Variants in CHIC2 observed in about 807,000 individuals in gnomAD.
CHIC2 encodes cysteine-rich hydrophobic domain-containing protein 2.
Under a neutral mutation model 25.9 loss-of-function variants are expected in CHIC2, and 14 were observed. The ratio of observed to expected loss-of-function variants is 0.54; its 90% CI spans 0.36 to 0.85. The LOEUF is 0.85. Among genes scored for constraint, CHIC2 ranks in the 40% least tolerant of loss-of-function variants. CHIC2 has a pLI of 0.01. For missense variants in CHIC2, 146 were observed against 202.0 expected, an observed-to-expected ratio of 0.72 and a Z score of 1.68; for synonymous variants, 70 against 72.0, an observed-to-expected ratio of 0.97 and a Z score of 0.14.
intron 5 of CHIC2, among the ~76,000 whole-genome samples, chr4:54,011,836 T>C (rs972118052): frequency 6.6e-6 from 1 of 151,876 alleles, no homozygotes; most frequent in Non-Finnish European, 1.5e-5. Flanking sequence ...TATATATATA[T>C]ATATTTTTTA....
chr4:54,059,386 T>A (rs181091617), intron 1 of CHIC2, among the ~76,000 whole-genome samples: 2,152 of 151,902 alleles, frequency 0.014, 21 homozygotes, highest in African/African-American at 0.02. Context: ...CTAATTTTTT[T>A]AAAAAATTAG....
intron 3 of CHIC2, chr4:54,048,754 A>C (rs1031556129): frequency 4.9e-6 from 2 of 405,178 alleles, no homozygotes; most frequent in African/African-American, 4.1e-5. Context: ...TAAAATTATA[A>C]ATATAATTTT....
chr4:54,086,699 A>T, the CHIC2 span, among the ~76,000 whole-genome samples: 1 of 152,192 alleles, frequency 6.6e-6, no homozygotes, highest in African/African-American at 2.4e-5. Context: ...AGCTAGAAAG[A>T]TCTGGATTCT....
intron 3 of CHIC2, among the ~76,000 whole-genome samples, chr4:54,033,178 CTCAGG>C (rs1716286126): frequency 6.6e-6 from 1 of 152,204 alleles, no homozygotes; most frequent in South Asian, 2.1e-4. Flanking sequence ...ATTATCCAGT[CTCAGG>C]TATTTCCTTA....
Position 54,013,892 on chromosome 4 carries a change from C to T in CHIC2, c.392G>A (p.Cys131Tyr), listed in dbSNP as rs141496459. Residue 131 changes from cysteine (C) to tyrosine (Y), a missense_variant, in exon 5 of 6, where the codon TGC becomes TAC. Cys to Tyr is a radical substitution (Grantham distance 194). Transcript: ENST00000263921. ...WENNRLYHKLCLHWRLSKRKC... is the reference protein window; with the variant it reads ...WENNRLYHKLYLHWRLSKRKC... ...CCTTTTGCTCAGTCTCCAATGCAAG[C>T]ACAGCTAGACAAGTAGGAAAGTAAA... The T allele has an allele frequency of 6.2e-7, 1 of 1,613,160 alleles. No homozygotes were observed. Among genetic ancestry groups the T allele is most frequent in the African/African-American group, 1.3e-5 (1 of 74,870 alleles).
intron 3 of CHIC2, among the ~76,000 whole-genome samples, chr4:54,018,720 A>C (rs946855208): frequency 6.6e-6 from 1 of 152,238 alleles, no homozygotes; most frequent in East Asian, 1.9e-4. Flanking sequence ...AGTCTTTAGA[A>C]CAAAAATATG....
At chr4:54,042,205 A>G (rs1265987378) in intron 3 of CHIC2, among the ~76,000 whole-genome samples, 1 of 152,150 alleles carries the variant, frequency 6.6e-6, no homozygotes, top group Non-Finnish European at 1.5e-5. Context: ...TATGCTCCCT[A>G]GATAGTACTC....
rs548130827 is a variant in CHIC2 at position 54,046,639 on chromosome 4, A to T, written c.330+2316T>A. Among the ~76,000 whole-genome samples the T allele has an allele frequency of 6.4e-4, 98 of 152,332 alleles. 1 individual carries two copies. Among genetic ancestry groups the T allele is most frequent in the Non-Finnish European group, 1.2e-3 (81 of 68,036 alleles). ...GGATCCCTTCCTTACACCTTATACA[A>T]AAATTGATTCAAGATGGATTAAAGA... is the stretch of plus-strand genomic sequence containing the variant. On this transcript the variant is annotated intron_variant, in intron 3 of 5. Transcript: ENST00000263921.
intron 1 of CHIC2, among the ~76,000 whole-genome samples, chr4:54,055,827 G>A (rs916380087): frequency 2.6e-5 from 4 of 152,090 alleles, no homozygotes; most frequent in Non-Finnish European, 5.9e-5. Flanking sequence ...TTCAACATAC[G>A]TCTGAATATC....
At chr4:54,075,996 A>T in the CHIC2 span, among the ~76,000 whole-genome samples, 1 of 152,114 alleles carries the variant, frequency 6.6e-6, no homozygotes, top group Non-Finnish European at 1.5e-5. Flanking sequence ...AAGTTAAATG[A>T]CTTACTCAGG....
chr4:54,081,259 GGACTACAGGCACACACCA>G, the CHIC2 span, among the ~76,000 whole-genome samples: 1 of 151,648 alleles, frequency 6.6e-6, no homozygotes, highest in East Asian at 1.9e-4. Context: ...CAAGTAGCTA[GGACTACAGGCACACACCA>G]CTGTGCCTGG....
the CHIC2 span, chr4:54,087,490 C>A: frequency 3.3e-6 from 3 of 911,348 alleles, no homozygotes; most frequent in Admixed American, 3.0e-5. Flanking sequence ...AAGAATATTT[C>A]GACGTGATGT....
intron 3 of CHIC2, among the ~76,000 whole-genome samples, chr4:54,019,703 T>TA (rs950949876): frequency 3.9e-5 from 6 of 152,142 alleles, no homozygotes; most frequent in Non-Finnish European, 5.9e-5. Flanking sequence ...TTTAAAAAAC[T>TA]AAAATTAAGT....
chr4:54,067,435 A>G (rs1026872451), upstream of CHIC2, among the ~76,000 whole-genome samples: 1 of 151,988 alleles, frequency 6.6e-6, no homozygotes, highest in Non-Finnish European at 1.5e-5. Flanking sequence ...TCCTGATGAG[A>G]GTTGACATCG....
intron 3 of CHIC2, among the ~76,000 whole-genome samples, chr4:54,033,129 C>A (rs1716284683): frequency 6.6e-6 from 1 of 152,198 alleles, no homozygotes; most frequent in Admixed American, 6.5e-5. Context: ...TCTTGTACAG[C>A]CTGTAGAACC....
the CHIC2 span, chr4:54,076,545 T>G: frequency 1.3e-5 from 2 of 152,224 alleles, no homozygotes; most frequent in Non-Finnish European, 2.9e-5. Flanking sequence ...GATTTTACAA[T>G]CCCATGATGA....
At chr4:54,038,508 C>T (rs770213839) in intron 3 of CHIC2, among the ~76,000 whole-genome samples, 4 of 152,140 alleles carry the variant, frequency 2.6e-5, no homozygotes, top group Non-Finnish European at 4.4e-5. Context: ...ATGTCATGTT[C>T]TTGGTTTAGA....
chr4:54,055,125 G>A (rs1050245978), intron 1 of CHIC2, among the ~76,000 whole-genome samples: 2 of 151,972 alleles, frequency 1.3e-5, no homozygotes, highest in African/African-American at 2.4e-5. Context: ...GAGACAGGGG[G>A]AAGAAAAAAA....
Position 54,010,103 on chromosome 4 carries a change from G to A in CHIC2, c.490C>T (p.Pro164Ser). The A allele has an allele frequency of 6.2e-7, 1 of 1,603,554 alleles. No individual in the cohort carries two copies. Among genetic ancestry groups the A allele is most frequent in the Non-Finnish European group, 8.5e-7 (1 of 1,171,104 alleles). The change falls in exon 6 of 6, where the codon CCA (proline) becomes TCA (serine). Residue 164 changes from proline to serine, a missense_variant. Pro to Ser is a moderately conservative substitution (Grantham distance 74). Transcript: ENST00000263921. ...EFLPKTPIFR[P>S]D ...TATAAATAAAGTAAATGCTAATCTG[G>A]TCGAAAAATCGGTGTCTTTGGTAAA...
Sources: allele counts gnomAD v4.1 joint callset (sites outside exome capture counted in the v4.1 genomes callset), GRCh38; gene constraint gnomAD v4.1.1; transcripts MANE v1.5; gene names NCBI Gene and HGNC (gene_info 2026-07-23, HGNC 2026-07-21).